The following ANGPT1 variants were observed in gnomAD, a reference collection of about 807,000 sequenced individuals.
The protein encoded by ANGPT1 is angiopoietin 1.
In ANGPT1, 17 loss-of-function variants were observed where a neutral mutation model predicts 62.2. The observed-to-expected ratio is 0.27, with a 90% CI of 0.19 to 0.41. The LOEUF (loss-of-function observed/expected upper bound fraction) is 0.41, where lower values mean the gene tolerates loss of function less well. Among genes scored for constraint, ANGPT1 ranks in the 10% least tolerant of loss-of-function variants. ANGPT1 has a pLI of 1.00. For missense variants in ANGPT1, 478 were observed against 594.9 expected (o/e 0.80, Z 2.04); for synonymous variants, 199 against 198.9 (o/e 1.00, Z 0.00).
At chr8:107,476,000 G>A (rs1283728) in intron 1 of ANGPT1, among the ~76,000 whole-genome samples, 1,784 of 152,320 alleles carry the variant, frequency 0.012, 18 homozygotes, top group Non-Finnish European at 0.018. Context: ...CTGTAAACTA[G>A]TTCAACCATT....
At chr8:107,347,251 G>A (rs1715709139) in intron 1 of ANGPT1, among the ~76,000 whole-genome samples, 154 bp from the exon 2 acceptor site, 1 of 152,166 alleles carries the variant, frequency 6.6e-6, no homozygotes, top group Non-Finnish European at 1.5e-5. Flanking sequence ...AATGGGAGCA[G>A]AGCACACAGG....
Position 107,294,030 on chromosome 8 carries a change from C to T in ANGPT1, c.944G>A (p.Cys315Tyr). Reference sequence around the variant, plus strand: ...ACCTCCCCCATTGACATCCATATTGCAAAACACCTGACAAATGGAAAACAA... The same window carrying T: ...ACCTCCCCCATTGACATCCATATTGTAAAACACCTGACAAATGGAAAACAA... ...NNMPEPKKVF[C>Y]NMDVNGGGWT... The change falls in exon 6 of 9, where the codon TGC becomes TAC. Residue 315 changes from cysteine (C) to tyrosine (Y), a missense_variant. Around this residue, in one of 4 missense-constraint regions of ANGPT1, gnomAD observed 81 missense variants for 117.1 expected, o/e 0.69. Coordinates refer to ENST00000517746, the MANE Select transcript of ANGPT1 (RefSeq NM_001146.5). 6.2e-7 allele frequency: 1 copy of T among 1,610,304 alleles called. No homozygotes were observed. The highest frequency in any genetic ancestry group is 8.5e-7 in the Non-Finnish European group (1 of 1,178,354).
chr8:107,375,827 A>C (rs1299855761), intron 1 of ANGPT1, among the ~76,000 whole-genome samples: 1 of 152,176 alleles, frequency 6.6e-6, no homozygotes. Context: ...ATAAGAGCAC[A>C]GGGGAGGCCC....
intron 1 of ANGPT1, among the ~76,000 whole-genome samples, chr8:107,367,696 C>G (rs952189436): frequency 1.3e-5 from 2 of 152,134 alleles, no homozygotes; most frequent in Non-Finnish European, 2.9e-5. Context: ...ATGTAATATT[C>G]TAAATCCTCT....
intron 4 of ANGPT1, among the ~76,000 whole-genome samples, chr8:107,321,154 T>C (rs1043362675): frequency 7.9e-5 from 12 of 152,016 alleles, no homozygotes; most frequent in African/African-American, 2.9e-4. Context: ...GAGGCATTCA[T>C]TCAATAATTG....
chr8:107,424,943 C>T lies in ANGPT1; in HGVS notation c.297+72319G>A, dbSNP rs541327700. Among the ~76,000 whole-genome samples, 4 of 152,286 alleles carry T rather than the reference C, an allele frequency of 2.6e-5. No homozygotes were observed. The South Asian group carries it at 6.2e-4, about 24-fold the overall frequency. On this transcript the variant is annotated intron_variant, in intron 1 of 8. Coordinates refer to ENST00000517746, the MANE Select transcript of ANGPT1 (RefSeq NM_001146.5). ...AGGCTGGAGTGCAGTGGCATCATCTCGACTCACTGCAACCTTCGCCTCCCG... is the reference window on the plus strand; with the variant it reads ...AGGCTGGAGTGCAGTGGCATCATCTTGACTCACTGCAACCTTCGCCTCCCG...
At chr8:107,408,707 CT>C (rs2130350021) in intron 1 of ANGPT1, among the ~76,000 whole-genome samples, 1 of 152,304 alleles carries the variant, frequency 6.6e-6, no homozygotes, top group African/African-American at 2.4e-5. Context: ...TAGTTTAAGG[CT>C]TACCCCCAAA....
Position 107,365,856 on chromosome 8 carries a change from AACAC to A in ANGPT1, c.298-18763_298-18760del, listed in dbSNP as rs10627552. 7.3e-3 allele frequency among the ~76,000 whole-genome samples: 1,074 copies of A among 147,078 alleles called. 10 individuals are homozygous for A. The highest frequency in any genetic ancestry group is 0.02 in the African/African-American group (784 of 39,722). On this transcript the variant is annotated intron_variant, in intron 1 of 8. Coordinates refer to ENST00000517746, the MANE Select transcript of ANGPT1 (RefSeq NM_001146.5). Reference sequence around the variant, plus strand: ...TTTAATTAGGACAAGAAACAAATACAACACACACACACACACACACACACACACA... The same window carrying A: ...TTTAATTAGGACAAGAAACAAATACAACACACACACACACACACACACACA...
At chr8:107,336,703 TTA>T (rs1815577562) in intron 2 of ANGPT1, among the ~76,000 whole-genome samples, 1 of 151,378 alleles carries the variant, frequency 6.6e-6, no homozygotes, top group South Asian at 2.1e-4. Context: ...TACATTCTAC[TTA>T]TATTCTACCA....
At chr8:107,329,483 G>A (rs1381196381) in intron 3 of ANGPT1, among the ~76,000 whole-genome samples, 1 of 152,094 alleles carries the variant, frequency 6.6e-6, no homozygotes, top group African/African-American at 2.4e-5. Context: ...GTGAACCTCA[G>A]AGTATACAAT....
intron 1 of ANGPT1, among the ~76,000 whole-genome samples, chr8:107,389,916 G>T (rs1816801716): frequency 6.7e-6 from 1 of 148,266 alleles, no homozygotes; most frequent in Admixed American, 6.7e-5. Context: ...CAGAAATATT[G>T]AACCATAAGG....
At chr8:107,317,604 T>A (rs1351624748) in intron 4 of ANGPT1, among the ~76,000 whole-genome samples, 3 of 151,122 alleles carry the variant, frequency 2.0e-5, no homozygotes, top group Admixed American at 6.6e-5. Context: ...CCAGTGTACA[T>A]AGATAACCAG....
At chr8:107,316,923 CTGTAGAGGTTATAAAATTATGCTAGACA>C (rs1277300271) in intron 4 of ANGPT1, among the ~76,000 whole-genome samples, 1 of 152,136 alleles carries the variant, frequency 6.6e-6, no homozygotes, top group Non-Finnish European at 1.5e-5. Context: ...CTCAAATTCT[CTGTAGAGGTTATAAAATTATGCTAGACA>C]TGGTAACTCC....
chr8:107,403,561 GA>G (rs980857523), intron 1 of ANGPT1, among the ~76,000 whole-genome samples: 1 of 151,562 alleles, frequency 6.6e-6, no homozygotes, highest in Non-Finnish European at 1.5e-5. Context: ...AGTATCACAT[GA>G]AAAAAAATCA....
At chr8:107,427,056 G>C (rs1024044174) in intron 1 of ANGPT1, among the ~76,000 whole-genome samples, 1 of 152,110 alleles carries the variant, frequency 6.6e-6, no homozygotes, top group African/African-American at 2.4e-5. Context: ...TTCTAACATA[G>C]AAAAAGAATA....
chr8:107,309,519 T>C (rs1396957956), intron 4 of ANGPT1, among the ~76,000 whole-genome samples: 3 of 152,186 alleles, frequency 2.0e-5, no homozygotes, highest in Non-Finnish European at 2.9e-5. Flanking sequence ...AAAGAATCTT[T>C]AAAAGTGGAA....
At chr8:107,464,604 C>T (rs1406787150) in intron 1 of ANGPT1, among the ~76,000 whole-genome samples, 1 of 152,040 alleles carries the variant, frequency 6.6e-6, no homozygotes, top group Non-Finnish European at 1.5e-5. Flanking sequence ...AGCTCAGCCT[C>T]TAGAATCACG....
At chr8:107,269,058 T>C (rs1450895369) in intron 7 of ANGPT1, among the ~76,000 whole-genome samples, 4 of 152,090 alleles carry the variant, frequency 2.6e-5, no homozygotes, top group Non-Finnish European at 4.4e-5. Flanking sequence ...AATCATTTCT[T>C]CTAAACAATA....
chr8:107,422,486 T>C (rs1810918788), intron 1 of ANGPT1, among the ~76,000 whole-genome samples: 1 of 152,230 alleles, frequency 6.6e-6, no homozygotes, highest in South Asian at 2.1e-4. Flanking sequence ...CTGGGACCCA[T>C]GATACTTACC....
Sources: gnomAD v4.1 joint callset for allele counts (sites outside exome capture counted in the v4.1 genomes callset) on GRCh38, gnomAD v4.1.1 for gene constraint, gnomAD v4.1.1 regional missense constraint, MANE v1.5 for transcripts, NCBI Gene and HGNC (gene_info 2026-07-23, HGNC 2026-07-21) for gene names.